The following H2BC11 variants were observed in gnomAD, a reference collection of about 807,000 sequenced individuals.
The protein encoded by H2BC11 is histone H2B type 1-J.
Under a neutral mutation model 6.0 loss-of-function variants are expected in H2BC11, and 7 were observed. The ratio of observed to expected loss-of-function variants is 1.16; its 90% confidence interval spans 0.66 to 2.19. The LOEUF is 2.19. H2BC11 is among the 30% of genes most tolerant of loss of function. The pLI, the probability that H2BC11 is intolerant of heterozygous loss-of-function variation, is 0.00. For synonymous variants in H2BC11, 127 were observed against 72.0 expected (o/e 1.77, Z -3.87); for missense variants, 215 against 170.3 (o/e 1.26, Z -1.46).
chr6:27,132,774 C>A lies in H2BC11; in HGVS notation c.-24G>T. On this transcript the variant is annotated 5_prime_UTR_variant, in exon 1 of 1. Coordinates refer to ENST00000339812, the MANE Select transcript of H2BC11 (RefSeq NM_021058.4). Reference sequence around the variant, plus strand: ...ATAGCACTGTGTAGCTATAAAGCGCCAACGAAAAGGAAAAACAGCGTGAGC... The same window carrying A: ...ATAGCACTGTGTAGCTATAAAGCGCAAACGAAAAGGAAAAACAGCGTGAGC... The A allele has an allele frequency of 1.3e-6, 2 of 1,593,952 alleles. No individual in the cohort carries two copies. Among genetic ancestry groups the A allele is most frequent in the Admixed American group, 1.9e-5 (1 of 53,484 alleles).
In H2BC11 at chr6:27,132,639, A is replaced by C; in HGVS notation, c.112T>G (p.Tyr38Asp). 6.2e-7 allele frequency: 1 copy of C among 1,614,210 alleles called. No individual in the cohort carries two copies. Among genetic ancestry groups the C allele is most frequent in the Non-Finnish European group, 8.5e-7 (1 of 1,180,036 alleles). ...KKRKRSRKES[Y>D]SIYVYKVLKQ... ...AGAACCTTGTACACATAGATGGAATAGCTCTCCTTGCGGCTGCGCTTGCGC... is the reference window on the plus strand; with the variant it reads ...AGAACCTTGTACACATAGATGGAATCGCTCTCCTTGCGGCTGCGCTTGCGC... The change falls in exon 1 of 1, where the codon TAT becomes GAT. Residue 38 changes from tyrosine (Y) to aspartate (D), a missense_variant. Physicochemically the swap from Tyr to Asp is radical, Grantham distance 160 (BLOSUM62 -3). Transcript: ENST00000339812.
chr6:27,132,713 T>TA lies in H2BC11; in HGVS notation c.37_38insT (p.Lys13IlefsTer9). ...CTTAGTCACCGCCTTCTTGGAGCCCTTTTTCGGGGCGGGAGCAGACTTCGC... is the reference window on the plus strand; with the variant it reads ...CTTAGTCACCGCCTTCTTGGAGCCCTATTTTCGGGGCGGGAGCAGACTTCGC... On this transcript the variant is annotated frameshift_variant, in exon 1 of 1. Coordinates refer to ENST00000339812, the MANE Select transcript of H2BC11 (RefSeq NM_021058.4). LOFTEE classifies it high-confidence loss of function. The TA allele has an allele frequency of 6.2e-7, 1 of 1,613,990 alleles. No individual in the cohort carries two copies. The highest frequency in any genetic ancestry group is 8.5e-7 in the Non-Finnish European group (1 of 1,179,972).
Position 27,132,549 on chromosome 6 carries a change from T to C in H2BC11, c.202A>G (p.Asn68Asp), listed in dbSNP as rs369866529. 2 of 1,614,202 alleles carry C rather than the reference T, an allele frequency of 1.2e-6. No homozygotes were observed. The highest frequency in any genetic ancestry group is 1.7e-6 in the Non-Finnish European group (2 of 1,180,042). The change falls in exon 1 of 1, where the codon AAC (asparagine) becomes GAC (aspartate). Residue 68 changes from asparagine to aspartate, a missense_variant. Asn to Asp is a conservative substitution (Grantham distance 23). Coordinates refer to ENST00000339812, the MANE Select transcript of H2BC11 (RefSeq NM_021058.4). ...KAMGIMNSFVNDIFERIAGEA... is the reference protein window; with the variant it reads ...KAMGIMNSFVDDIFERIAGEA... ...CCTGCGATGCGCTCGAAAATGTCGT[T>C]CACAAACGAATTCATGATGCCCATG...
chr6:27,132,468 T>G lies in H2BC11; in HGVS notation c.283A>C (p.Ile95Leu), dbSNP rs760767378. Residue 95 changes from isoleucine to leucine, a missense_variant, in exon 1 of 1, where the codon ATC becomes CTC. Transcript: ENST00000339812. ...NKRSTITSRE[I>L]QTAVRLLLPG... ...AGCAGCAGGCGCACGGCCGTCTGGATCTCCCTGGAGGTGATGGTCGAGCGC... is the reference window on the plus strand; with the variant it reads ...AGCAGCAGGCGCACGGCCGTCTGGAGCTCCCTGGAGGTGATGGTCGAGCGC... 6.2e-7 allele frequency: 1 copy of G among 1,614,070 alleles called. No individual in the cohort carries two copies. The highest frequency in any genetic ancestry group is 8.5e-7 in the Non-Finnish European group (1 of 1,180,042).
chr6:27,132,761 AGCTATAAAGC>A lies in H2BC11; in HGVS notation c.-21_-12del, dbSNP rs754282245. ...CGCTGGCTCTGGCATAGCACTGTGT[AGCTATAAAGC>A]GCCAACGAAAAGGAAAAACAGCGTG... On this transcript the variant is annotated 5_prime_UTR_variant, in exon 1 of 1. Transcript: ENST00000339812. The A allele has an allele frequency of 6.2e-7, 1 of 1,601,702 alleles. No homozygotes were observed. The highest frequency in any genetic ancestry group is 8.5e-7 in the Non-Finnish European group (1 of 1,176,372).
chr6:27,132,717 T>A lies in H2BC11; in HGVS notation c.34A>T (p.Lys12Ter). 1 of 1,614,140 alleles carries A rather than the reference T, an allele frequency of 6.2e-7. No homozygotes were observed. The highest frequency in any genetic ancestry group is 8.5e-7 in the Non-Finnish European group (1 of 1,180,032). Residue 12 changes from lysine to a stop codon, truncating the protein, a stop_gained, in exon 1 of 1, where the codon AAA (lysine) becomes TAA (stop). Transcript: ENST00000339812. LOFTEE classifies it high-confidence loss of function. ...GTCACCGCCTTCTTGGAGCCCTTTTTCGGGGCGGGAGCAGACTTCGCTGGC... is the reference window on the plus strand; with the variant it reads ...GTCACCGCCTTCTTGGAGCCCTTTTACGGGGCGGGAGCAGACTTCGCTGGC... ...PEPAKSAPAP[K>*]KGSKKAVTKA...
Position 27,132,358 on chromosome 6 carries a change from C to A in H2BC11, c.*12G>T. The A allele has an allele frequency of 6.2e-7, 1 of 1,614,040 alleles. No individual in the cohort carries two copies. Among genetic ancestry groups the A allele is most frequent in the Non-Finnish European group, 8.5e-7 (1 of 1,179,956 alleles). ...AGCCGTTAGGGTTGAGAGTTTGCAA[C>A]CAACTCACTGTTTACTTAGCGCTGG... On this transcript the variant is annotated 3_prime_UTR_variant, in exon 1 of 1. Transcript: ENST00000339812.
Position 27,132,393 on chromosome 6 carries a change from T to G in H2BC11, c.358A>C (p.Thr120Pro). 6.2e-7 allele frequency: 1 copy of G among 1,614,206 alleles called. No individual in the cohort carries two copies. The highest frequency in any genetic ancestry group is 8.5e-7 in the Non-Finnish European group (1 of 1,180,042). ...HAVSEGTKAV[T>P]KYTSAK ...GTTTACTTAGCGCTGGTGTACTTGG[T>G]GACGGCCTTAGTACCCTCGGACACG... Residue 120 changes from threonine (T) to proline (P), a missense_variant, in exon 1 of 1, where the codon ACC becomes CCC. Transcript: ENST00000339812.
chr6:27,132,671 C>G lies in H2BC11; in HGVS notation c.80G>C (p.Gly27Ala). 6.2e-7 allele frequency: 1 copy of G among 1,614,212 alleles called. No individual in the cohort carries two copies. The highest frequency in any genetic ancestry group is 8.5e-7 in the Non-Finnish European group (1 of 1,180,036). The change falls in exon 1 of 1, where the codon GGC (glycine) becomes GCC (alanine). Residue 27 changes from glycine (G) to alanine (A), a missense_variant. Physicochemically the swap from Gly to Ala is moderately conservative, Grantham distance 60. Transcript: ENST00000339812. ...KAVTKAQKKD[G>A]KKRKRSRKES... is the part of the protein sequence containing the mutation. ...CTTGCGGCTGCGCTTGCGCTTCTTG[C>G]CGTCTTTCTTCTGCGCCTTAGTCAC...
chr6:27,132,731 G>A lies in H2BC11; in HGVS notation c.20C>T (p.Ser7Phe). 6.2e-7 allele frequency: 1 copy of A among 1,614,116 alleles called. No homozygotes were observed. Among genetic ancestry groups the A allele is most frequent in the Non-Finnish European group, 8.5e-7 (1 of 1,180,026 alleles). The change falls in exon 1 of 1, where the codon TCT (serine) becomes TTT (phenylalanine). Residue 7 changes from serine (S) to phenylalanine (F), a missense_variant. Physicochemically the swap from Ser to Phe is radical, Grantham distance 155 (BLOSUM62 -2). Coordinates refer to ENST00000339812, the MANE Select transcript of H2BC11 (RefSeq NM_021058.4). MPEPAK[S>F]APAPKKGSKK... ...GGAGCCCTTTTTCGGGGCGGGAGCA[G>A]ACTTCGCTGGCTCTGGCATAGCACT...
At position 27,132,563 on chromosome 6, in the gene H2BC11, A is replaced by T. The variant is rs753274314; in HGVS notation, c.188T>A (p.Met63Lys). Residue 63 changes from methionine to lysine, a missense_variant, in exon 1 of 1, where the codon ATG (methionine) becomes AAG (lysine). Coordinates refer to ENST00000339812, the MANE Select transcript of H2BC11 (RefSeq NM_021058.4). ...GAAAATGTCGTTCACAAACGAATTC[A>T]TGATGCCCATGGCCTTGGACGAAAT... Reference protein sequence around the residue: ...TGISSKAMGIMNSFVNDIFER... With the variant: ...TGISSKAMGIKNSFVNDIFER... The T allele has an allele frequency of 6.2e-7, 1 of 1,614,252 alleles. No individual in the cohort carries two copies. The highest frequency in any genetic ancestry group is 8.5e-7 in the Non-Finnish European group (1 of 1,180,040).
Position 27,132,613 on chromosome 6 carries a change from C to G in H2BC11, c.138G>C (p.Leu46=), listed in dbSNP as rs776208277. 6.2e-7 allele frequency: 1 copy of G among 1,614,264 alleles called. No homozygotes were observed. The highest frequency in any genetic ancestry group is 8.5e-7 in the Non-Finnish European group (1 of 1,180,056). ...ESYSIYVYKV[L]KQVHPDTGIS... is the part of the protein sequence containing the mutation. Reference sequence around the variant, plus strand: ...TGCCGGTGTCAGGGTGGACCTGCTTCAGAACCTTGTACACATAGATGGAAT... The same window carrying G: ...TGCCGGTGTCAGGGTGGACCTGCTTGAGAACCTTGTACACATAGATGGAAT... The change falls in exon 1 of 1, where the codon CTG becomes CTC. Residue 46 remains leucine, a synonymous_variant. Coordinates refer to ENST00000339812, the MANE Select transcript of H2BC11 (RefSeq NM_021058.4).
chr6:27,132,723 C>T lies in H2BC11; in HGVS notation c.28G>A (p.Ala10Thr), dbSNP rs766521278. 3.1e-6 allele frequency: 5 copies of T among 1,613,900 alleles called. No individual in the cohort carries two copies. The highest frequency in any genetic ancestry group is 1.3e-5 in the African/African-American group (1 of 74,882). ...GCCTTCTTGGAGCCCTTTTTCGGGG[C>T]GGGAGCAGACTTCGCTGGCTCTGGC... MPEPAKSAP[A>T]PKKGSKKAVT... The change falls in exon 1 of 1, where the codon GCC (alanine) becomes ACC (threonine). Residue 10 changes from alanine (A) to threonine (T), a missense_variant. By Grantham distance (58) the Ala-to-Thr change is moderately conservative. Transcript: ENST00000339812.
chr6:27,132,334 G>C lies in H2BC11; in HGVS notation c.*36C>G, dbSNP rs763136764. 1 of 1,610,934 alleles carries C rather than the reference G, an allele frequency of 6.2e-7. No individual in the cohort carries two copies. Among genetic ancestry groups the C allele is most frequent in the Non-Finnish European group, 8.5e-7 (1 of 1,178,494 alleles). On this transcript the variant is annotated 3_prime_UTR_variant, in exon 1 of 1. Coordinates refer to ENST00000339812, the MANE Select transcript of H2BC11 (RefSeq NM_021058.4). ...GAGAACATGGGTGGCTCTTAAAAGA[G>C]CCGTTAGGGTTGAGAGTTTGCAACC...
At position 27,132,733 on chromosome 6, in the gene H2BC11, C is replaced by T; in HGVS notation, c.18G>A (p.Lys6=). 2.5e-6 allele frequency: 4 copies of T among 1,614,074 alleles called. No individual in the cohort carries two copies. Among genetic ancestry groups the T allele is most frequent in the Non-Finnish European group, 1.7e-6 (2 of 1,180,016 alleles). The change falls in exon 1 of 1, where the codon AAG becomes AAA. Residue 6 remains lysine, a synonymous_variant. Transcript: ENST00000339812. The part of the protein sequence containing the change: MPEPA[K]SAPAPKKGSK... ...AGCCCTTTTTCGGGGCGGGAGCAGA[C>T]TTCGCTGGCTCTGGCATAGCACTGT...
rs919737315 is a variant in H2BC11, at chr6:27,132,643, C to T, written c.108G>A (p.Glu36=). 8 of 1,614,098 alleles carry T rather than the reference C, an allele frequency of 5.0e-6. No individual in the cohort carries two copies. Among genetic ancestry groups the T allele is most frequent in the African/African-American group, 2.7e-5 (2 of 74,934 alleles). ...CCTTGTACACATAGATGGAATAGCT[C>T]TCCTTGCGGCTGCGCTTGCGCTTCT... ...DGKKRKRSRK[E]SYSIYVYKVL... Residue 36 remains glutamate (E), a synonymous_variant, in exon 1 of 1, where the codon GAG becomes GAA. Transcript: ENST00000339812.
Position 27,132,609 on chromosome 6 carries a change from G to A in H2BC11, c.142C>T (p.Gln48Ter), listed in dbSNP as rs765942535. 4 of 1,614,214 alleles carry A rather than the reference G, an allele frequency of 2.5e-6. No homozygotes were observed. Among genetic ancestry groups the A allele is most frequent in the East Asian group, 4.5e-5 (2 of 44,876 alleles). The change falls in exon 1 of 1, where the codon CAG becomes TAG. Residue 48 changes from glutamine to a stop codon, truncating the protein, a stop_gained. Coordinates refer to ENST00000339812, the MANE Select transcript of H2BC11 (RefSeq NM_021058.4). LOFTEE classifies it high-confidence loss of function. ...YSIYVYKVLKQVHPDTGISSK... is the reference protein window; with the variant it reads ...YSIYVYKVLK ...GAAATGCCGGTGTCAGGGTGGACCT[G>A]CTTCAGAACCTTGTACACATAGATG...
At position 27,132,688 on chromosome 6, in the gene H2BC11, C is replaced by T. The variant is rs1182151249; in HGVS notation, c.63G>A (p.Lys21=). 1.9e-6 allele frequency: 3 copies of T among 1,614,138 alleles called. No individual in the cohort carries two copies. The highest frequency in any genetic ancestry group is 2.5e-6 in the Non-Finnish European group (3 of 1,180,056). The change falls in exon 1 of 1, where the codon AAG becomes AAA. Residue 21 remains lysine, a synonymous_variant. Transcript: ENST00000339812. ...PKKGSKKAVT[K]AQKKDGKKRK... Reference sequence around the variant, plus strand: ...GCTTCTTGCCGTCTTTCTTCTGCGCCTTAGTCACCGCCTTCTTGGAGCCCT... The same window carrying T: ...GCTTCTTGCCGTCTTTCTTCTGCGCTTTAGTCACCGCCTTCTTGGAGCCCT...
chr6:27,132,760 T>G lies in H2BC11; in HGVS notation c.-10A>C, dbSNP rs372245814. 2 of 1,609,718 alleles carry G rather than the reference T, an allele frequency of 1.2e-6. No individual in the cohort carries two copies. The highest frequency in any genetic ancestry group is 2.2e-5 in the East Asian group (1 of 44,844). ...TCGCTGGCTCTGGCATAGCACTGTG[T>G]AGCTATAAAGCGCCAACGAAAAGGA... On this transcript the variant is annotated 5_prime_UTR_variant, in exon 1 of 1. Coordinates refer to ENST00000339812, the MANE Select transcript of H2BC11 (RefSeq NM_021058.4).
Sources: allele counts gnomAD v4.1 joint callset, GRCh38; gene constraint gnomAD v4.1.1; transcripts MANE v1.5; gene names NCBI Gene and HGNC (gene_info 2026-07-23, HGNC 2026-07-21).